LIMCH1: variants seen among roughly 807,000 people sequenced by gnomAD.
LIMCH1 encodes the protein LIM and calponin homology domains-containing protein 1.
A neutral mutation model predicts 176.5 loss-of-function variants in LIMCH1; 113 were observed. The ratio of observed to expected loss-of-function variants is 0.64; its 90% CI spans 0.55 to 0.75. The LOEUF is 0.75. Ranked by LOEUF, LIMCH1 falls within the 30% of genes least tolerant of loss-of-function variation. The pLI is 0.00. For missense variants in LIMCH1, 1,674 were observed against 1,814.9 expected (o/e 0.92, Z 1.41); for synonymous variants, 619 against 645.9 (o/e 0.96, Z 0.63).
chr4:41,613,036 G>A lies in LIMCH1; in HGVS notation c.10-430G>A, dbSNP rs983117001. 22 of 1,551,982 alleles carry A rather than the reference G, an allele frequency of 1.4e-5. No homozygotes were observed. In the African/African-American group the frequency reaches 2.6e-4, roughly 18 times the overall value. ...TATAAACAGGAGCAAAAGTTGCACA[G>A]CTAAACCAGGGGCTCATTCCCAGGA... On this transcript the variant is annotated intron_variant, in intron 4 of 31. Coordinates refer to ENST00000503057, the MANE Select transcript of LIMCH1 (RefSeq NM_001330672.2).
chr4:41,619,516 C>T (rs555311232), intron 6 of LIMCH1, 76 bp downstream of exon 6: 208 of 1,569,640 alleles, frequency 1.3e-4, no homozygotes, highest in African/African-American at 1.1e-3. Flanking sequence ...TGGACAGGAA[C>T]GAGGTTAAAT....
chr4:41,575,487 G>A (rs2152644218), intron 1 of LIMCH1, among the ~76,000 whole-genome samples: 1 of 152,246 alleles, frequency 6.6e-6, no homozygotes, highest in African/African-American at 2.4e-5. Flanking sequence ...ACATTCTTTA[G>A]AAAGTGCTCA....
intron 1 of LIMCH1, among the ~76,000 whole-genome samples, chr4:41,418,218 C>T (rs2060109752): frequency 6.6e-6 from 1 of 152,146 alleles, no homozygotes; most frequent in African/African-American, 2.4e-5. Context: ...TACAGCTTTC[C>T]AGCCAGAAAT....
At chr4:41,581,990 T>C (rs2085567941) in intron 1 of LIMCH1, among the ~76,000 whole-genome samples, 1 of 152,142 alleles carries the variant, frequency 6.6e-6, no homozygotes, top group Non-Finnish European at 1.5e-5. Context: ...ATATGTCAGA[T>C]TTTCTTTATC....
chr4:41,524,203 A>G (rs1385815941), intron 2 of LIMCH1, among the ~76,000 whole-genome samples: 2 of 152,228 alleles, frequency 1.3e-5, no homozygotes, highest in Non-Finnish European at 2.9e-5. Context: ...TCTAAATTCT[A>G]AAACTTCACC....
intron 1 of LIMCH1, among the ~76,000 whole-genome samples, chr4:41,556,319 T>C (rs1335967915): frequency 7.0e-6 from 1 of 143,736 alleles, no homozygotes; most frequent in Non-Finnish European, 1.5e-5. Context: ...TGCTTGAACC[T>C]GGGAGGCAGA....
intron 3 of LIMCH1, among the ~76,000 whole-genome samples, chr4:41,531,474 TCACACACACACACA>T (rs59275736): frequency 1.3e-4 from 17 of 127,082 alleles, no homozygotes; most frequent in Non-Finnish European, 1.1e-4. Flanking sequence ...TCTTTCTCTG[TCACACACACACACA>T]CACACACACA....
chr4:41,678,476 G>A (rs987421120), intron 23 of LIMCH1, among the ~76,000 whole-genome samples: 13 of 152,272 alleles, frequency 8.5e-5, no homozygotes, highest in South Asian at 2.1e-4. Context: ...CCATCTGCTC[G>A]TCTCTGGGAG....
intron 7 of LIMCH1, 51 bp from the exon 8 acceptor site, chr4:41,626,657 A>T: frequency 6.9e-7 from 1 of 1,442,946 alleles, no homozygotes; most frequent in African/African-American, 1.4e-5. Flanking sequence ...TGGAGATTTA[A>T]TTTTTTTTGT....
chr4:41,515,022 T>C (rs1162677406), intron 2 of LIMCH1, among the ~76,000 whole-genome samples: 1 of 152,210 alleles, frequency 6.6e-6, no homozygotes, highest in Non-Finnish European at 1.5e-5. Context: ...AAACTTTTGA[T>C]GACAAGATGT....
intron 1 of LIMCH1, among the ~76,000 whole-genome samples, chr4:41,396,715 A>C (rs541147008): frequency 7.2e-5 from 11 of 152,098 alleles, no homozygotes; most frequent in Non-Finnish European, 1.6e-4. Flanking sequence ...AGCCTGGCCA[A>C]CATGGTGAAA....
In LIMCH1 at chr4:41,694,765, A is replaced by C. The variant is rs112046045; in HGVS notation, c.4378+2381A>C. On this transcript the variant is annotated intron_variant, in intron 31 of 31. Transcript: ENST00000503057. Reference sequence around the variant, plus strand: ...CATCTCCATAGGATAGATTCTGAGCAGTAGCACAGGTGACGTAAAAGGCAT... The same window carrying C: ...CATCTCCATAGGATAGATTCTGAGCCGTAGCACAGGTGACGTAAAAGGCAT... Among the ~76,000 whole-genome samples, 1,396 of 152,144 alleles carry C rather than the reference A, an allele frequency of 9.2e-3. 21 individuals are homozygous for C. Among genetic ancestry groups the C allele is most frequent in the African/African-American group, 0.032 (1,332 of 41,460 alleles).
chr4:41,559,611 TCTTAAG>T (rs1451724604), intron 1 of LIMCH1, among the ~76,000 whole-genome samples: 1 of 152,120 alleles, frequency 6.6e-6, no homozygotes, highest in Non-Finnish European at 1.5e-5. Flanking sequence ...TCATCTCACA[TCTTAAG>T]CTCGTACCAG....
upstream of LIMCH1, among the ~76,000 whole-genome samples, chr4:41,535,094 C>CA (rs1418452096): frequency 2.1e-5 from 3 of 141,128 alleles, no homozygotes; most frequent in Non-Finnish European, 4.5e-5. Context: ...CCTGGGAAGT[C>CA]AAGCCTGCAG....
chr4:41,525,288 A>G (rs1002464958), intron 3 of LIMCH1, among the ~76,000 whole-genome samples: 2 of 152,200 alleles, frequency 1.3e-5, no homozygotes, highest in Non-Finnish European at 2.9e-5. Context: ...GTAGCTCGGT[A>G]ATGACTCACT....
At chr4:41,419,715 CCTTCCTCCTTCCTTT>C (rs1214876056) in intron 1 of LIMCH1, among the ~76,000 whole-genome samples, 5 of 139,088 alleles carry the variant, frequency 3.6e-5, no homozygotes, top group Middle Eastern at 3.8e-3. Flanking sequence ...TTCCTTCCTT[CCTTCCTCCTTCCTTT>C]CTTCCTCCCC....
In LIMCH1 at chr4:41,698,403, G is replaced by C. The variant is rs953404501; in HGVS notation, c.*1218G>C. The C allele has an allele frequency of 6.6e-6, 1 of 152,114 alleles. No individual in the cohort carries two copies. Among genetic ancestry groups the C allele is most frequent in the African/African-American group, 2.4e-5 (1 of 41,396 alleles). The allele number at this position is 152,114 out of a possible 1,614,324, so 9.4% of individuals were successfully genotyped here. On this transcript the variant is annotated 3_prime_UTR_variant, in exon 32 of 32. Coordinates refer to ENST00000503057, the MANE Select transcript of LIMCH1 (RefSeq NM_001330672.2). ...TAGAGAGGAACTCTTGTGGAGAGCT[G>C]GTTTATTTTCTGCCCTGTGCGACGA...
chr4:41,596,052 A>G (rs1207598250), intron 1 of LIMCH1, among the ~76,000 whole-genome samples: 1 of 142,142 alleles, frequency 7.0e-6, no homozygotes, highest in Non-Finnish European at 1.5e-5. Context: ...CCATCTCAAA[A>G]AAAAAAAAAT....
intron 1 of LIMCH1, among the ~76,000 whole-genome samples, chr4:41,542,140 C>A (rs566863175): frequency 3.9e-5 from 6 of 152,180 alleles, no homozygotes; most frequent in Admixed American, 3.9e-4. Flanking sequence ...TCACACTAGC[C>A]CTCAATCTGT....
Sources: gnomAD v4.1 joint callset for allele counts (sites outside exome capture counted in the v4.1 genomes callset) on GRCh38, gnomAD v4.1.1 for gene constraint, MANE v1.5 for transcripts, NCBI Gene and HGNC (gene_info 2026-07-23, HGNC 2026-07-21) for gene names.